Variants in PID1 observed in about 807,000 individuals in gnomAD.
PID1 encodes PTB-containing, cubilin and LRP1-interacting protein.
In PID1, 10 loss-of-function variants were observed where a neutral mutation model predicts 19.1. The observed-to-expected ratio is 0.52, with a 90% CI of 0.32 to 0.89. The LOEUF is 0.89. Among genes scored for constraint, PID1 ranks in the 40% least tolerant of loss-of-function variants. The probability of loss-of-function intolerance (pLI) is 0.03; values close to 1 mark genes in which losing one functional copy is unlikely to be tolerated. For missense variants in PID1, 248 were observed against 285.3 expected (o/e 0.87, Z 0.94); for synonymous variants, 130 against 116.0 (o/e 1.12, Z -0.78).
chr2:229,040,473 T>C (rs1476758685), intron 2 of PID1, among the ~76,000 whole-genome samples: 11 of 152,102 alleles, frequency 7.2e-5, no homozygotes, highest in Non-Finnish European at 1.5e-5. Context: ...TGCTTGGGAA[T>C]GGAGTTAAAA....
intron 2 of PID1, among the ~76,000 whole-genome samples, chr2:229,027,414 A>G (rs1185881488): frequency 1.3e-5 from 2 of 152,358 alleles, no homozygotes; most frequent in East Asian, 3.9e-4. Context: ...TTGAATACTC[A>G]TTCAGAGCAC....
chr2:229,187,729 C>T (rs1270791493), intron 1 of PID1, among the ~76,000 whole-genome samples: 1 of 152,156 alleles, frequency 6.6e-6, no homozygotes, highest in African/African-American at 2.4e-5. Flanking sequence ...GCTATAATTT[C>T]CCCTGGCTAA....
chr2:229,080,134 T>C (rs2106209913), intron 2 of PID1, among the ~76,000 whole-genome samples: 1 of 152,238 alleles, frequency 6.6e-6, no homozygotes, highest in Middle Eastern at 3.4e-3. Context: ...GGAGGAGACA[T>C]GGGTAAAACT....
At chr2:229,158,943 G>T (rs749813837) in intron 1 of PID1, among the ~76,000 whole-genome samples, 2 of 151,966 alleles carry the variant, frequency 1.3e-5, no homozygotes, top group Middle Eastern at 3.4e-3. Flanking sequence ...GGGTAGGGGG[G>T]AGCTGTGGGG....
chr2:229,033,300 G>A (rs1291651794), intron 2 of PID1, among the ~76,000 whole-genome samples: 1 of 152,176 alleles, frequency 6.6e-6, no homozygotes, highest in Non-Finnish European at 1.5e-5. Context: ...CAAGCTGGAT[G>A]AGCCCAGCTT....
chr2:229,077,899 T>C (rs189827761), intron 2 of PID1, among the ~76,000 whole-genome samples: 47 of 152,334 alleles, frequency 3.1e-4, no homozygotes, highest in African/African-American at 1.1e-3. Context: ...AAATTTAAAA[T>C]AGTTTTTTCT....
At chr2:229,039,249 T>A (rs2106172464) in intron 2 of PID1, among the ~76,000 whole-genome samples, 1 of 152,338 alleles carries the variant, frequency 6.6e-6, no homozygotes, top group Admixed American at 6.5e-5. Flanking sequence ...ATCCAATTCT[T>A]TGTGTAATCT....
chr2:229,206,178 A>G (rs1183128433), intron 1 of PID1, among the ~76,000 whole-genome samples: 1 of 151,916 alleles, frequency 6.6e-6, no homozygotes, highest in South Asian at 2.1e-4. Flanking sequence ...CTGAAGCCAC[A>G]CTCTGGGAAC....
intron 1 of PID1, among the ~76,000 whole-genome samples, chr2:229,163,966 C>T (rs986878573): frequency 6.6e-6 from 1 of 152,140 alleles, no homozygotes; most frequent in Non-Finnish European, 1.5e-5. Context: ...AATTGAGATA[C>T]ATACATAGCT....
rs1693724988 is a variant in PID1 at position 229,039,494 on chromosome 2, C to T, written c.178-13386G>A. Among the ~76,000 whole-genome samples, 3 of 152,200 alleles carry T rather than the reference C, an allele frequency of 2.0e-5. No individual in the cohort carries two copies. In the South Asian group the frequency reaches 6.2e-4, roughly 32 times the overall value. On this transcript the variant is annotated intron_variant, in intron 2 of 2. Transcript: ENST00000392055. Reference sequence around the variant, plus strand: ...TTAAAATGACAGTCTTTAACATATGCTAGAAATTATATCCCTTGCAACTAT... The same window carrying T: ...TTAAAATGACAGTCTTTAACATATGTTAGAAATTATATCCCTTGCAACTAT...
At position 229,025,602 on chromosome 2, in the gene PID1, G is replaced by A; in HGVS notation, c.*30C>T. On this transcript the variant is annotated 3_prime_UTR_variant, in exon 3 of 3. Transcript: ENST00000392055. The stretch of plus-strand genomic sequence containing the variant: ...TATTCCCTTGAACTCCGTGACCAAT[G>A]CTGCCTTTGCTGAAGCGTCTCAAGT... 1.3e-6 allele frequency: 2 copies of A among 1,522,534 alleles called. No individual in the cohort carries two copies. Among genetic ancestry groups the A allele is most frequent in the Non-Finnish European group, 1.8e-6 (2 of 1,102,244 alleles). The allele number at this position is 1,522,534 out of a possible 1,614,324, so 94.3% of individuals were successfully genotyped here.
chr2:229,215,705 G>T (rs1691831122), intron 1 of PID1, among the ~76,000 whole-genome samples: 1 of 152,276 alleles, frequency 6.6e-6, no homozygotes, highest in African/African-American at 2.4e-5. Flanking sequence ...TCGGGAATAT[G>T]TTTTATCATA....
intron 2 of PID1, among the ~76,000 whole-genome samples, chr2:229,030,706 G>A (rs920288235): frequency 1.3e-5 from 2 of 151,924 alleles, no homozygotes; most frequent in East Asian, 1.9e-4. Flanking sequence ...AATGAAAACC[G>A]ATTTCATAGT....
intron 1 of PID1, among the ~76,000 whole-genome samples, chr2:229,199,149 A>C (rs1691438239): frequency 6.6e-6 from 1 of 151,922 alleles, no homozygotes; most frequent in Non-Finnish European, 1.5e-5. Context: ...CCCCACCCCA[A>C]ATATGCCTGA....
At chr2:229,175,440 A>C (rs1413446964) in intron 1 of PID1, among the ~76,000 whole-genome samples, 1 of 152,236 alleles carries the variant, frequency 6.6e-6, no homozygotes, top group Non-Finnish European at 1.5e-5. Context: ...CAATTTTTTA[A>C]ATTTTAAGCA....
chr2:229,215,739 G>A (rs908471529), intron 1 of PID1, among the ~76,000 whole-genome samples: 6 of 152,120 alleles, frequency 3.9e-5, no homozygotes, highest in Admixed American at 2.0e-4. Flanking sequence ...ACACAGATAT[G>A]GCAGAGAAAT....
At chr2:229,087,097 G>A (rs906861235) in intron 2 of PID1, among the ~76,000 whole-genome samples, 3 of 152,140 alleles carry the variant, frequency 2.0e-5, no homozygotes, top group Admixed American at 6.5e-5. Context: ...CATACACATT[G>A]TGCTCAATGT....
At chr2:229,175,052 C>A (rs754024556) in intron 1 of PID1, among the ~76,000 whole-genome samples, 1 of 152,208 alleles carries the variant, frequency 6.6e-6, no homozygotes, top group Non-Finnish European at 1.5e-5. Context: ...AGCTTGCCAG[C>A]CATGGGAATA....
At chr2:229,219,088 T>C (rs534085800) in intron 1 of PID1, among the ~76,000 whole-genome samples, 2 of 152,246 alleles carry the variant, frequency 1.3e-5, no homozygotes, top group East Asian at 1.9e-4. Context: ...AAACACAATG[T>C]TCAAAAACTG....
Sources: allele counts gnomAD v4.1 joint callset (sites outside exome capture counted in the v4.1 genomes callset), GRCh38; gene constraint gnomAD v4.1.1; transcripts MANE v1.5; gene names NCBI Gene and HGNC (gene_info 2026-07-23, HGNC 2026-07-21).